EBF1: variants seen among roughly 807,000 people sequenced by gnomAD.
EBF1 encodes the protein transcription factor COE1.
In EBF1, 10 loss-of-function variants were observed where a neutral mutation model predicts 68.4. The ratio of observed to expected loss-of-function variants is 0.15; its 90% CI spans 0.09 to 0.25. The LOEUF is 0.25. EBF1 is among the 10% of genes least tolerant of loss of function. The probability of loss-of-function intolerance (pLI) is 1.00; values close to 1 mark genes in which losing one functional copy is unlikely to be tolerated. For synonymous variants in EBF1, 298 were observed against 299.8 expected (o/e 0.99, Z 0.06); for missense variants, 509 against 794.4 (o/e 0.64, Z 4.32).
chr5:159,008,755 T>C (rs1049529944), intron 6 of EBF1, among the ~76,000 whole-genome samples: 1 of 152,154 alleles, frequency 6.6e-6, no homozygotes, highest in African/African-American at 2.4e-5. Context: ...CAGGCTGGTC[T>C]CAAACTCCTG....
At chr5:158,767,009 G>C (rs1034684619) in intron 10 of EBF1, among the ~76,000 whole-genome samples, 1 of 152,080 alleles carries the variant, frequency 6.6e-6, no homozygotes, top group Non-Finnish European at 1.5e-5. Context: ...ATACAGCTCA[G>C]TTCCTACTTT....
chr5:159,087,275 CACAT>C lies in EBF1; in HGVS notation c.412-2540_412-2537del, dbSNP rs1176171931. Among the ~76,000 whole-genome samples, 899 of 144,832 alleles carry C rather than the reference CACAT, an allele frequency of 6.2e-3. 8 individuals are homozygous for C. Among genetic ancestry groups the C allele is most frequent in the African/African-American group, 0.022 (858 of 38,248 alleles). Reference sequence around the variant, plus strand: ...CCTAATATATATATATATACACACACACATATATATATATACACATATATATATA... The same window carrying C: ...CCTAATATATATATATATACACACACATATATATATACACATATATATATA... On this transcript the variant is annotated intron_variant, in intron 4 of 15. Coordinates refer to ENST00000313708, the MANE Select transcript of EBF1 (RefSeq NM_024007.5).
At chr5:159,033,593 A>C (rs570272689) in intron 6 of EBF1, among the ~76,000 whole-genome samples, 3 of 152,324 alleles carry the variant, frequency 2.0e-5, no homozygotes, top group African/African-American at 7.2e-5. Context: ...GGCAACTGAG[A>C]ACATAATTAG....
rs1584622069 is a variant in EBF1, at chr5:159,099,707, A to C, written c.-229T>G. Reference sequence around the variant, plus strand: ...GAGCGATAACCCGAAAAAAAGAAGAAAGGGAAAATCCAACGAAAAGACCAA... The same window carrying C: ...GAGCGATAACCCGAAAAAAAGAAGACAGGGAAAATCCAACGAAAAGACCAA... On this transcript the variant is annotated 5_prime_UTR_variant, in exon 1 of 16. Transcript: ENST00000313708. 8.1e-6 allele frequency: 3 copies of C among 370,162 alleles called. No individual in the cohort carries two copies. Among genetic ancestry groups the C allele is most frequent in the East Asian group, 9.0e-5 (2 of 22,166 alleles). The allele number at this position is 370,162 out of a possible 1,614,324, so 22.9% of individuals were successfully genotyped here.
chr5:158,861,273 TATC>T (rs1459204235), intron 6 of EBF1, among the ~76,000 whole-genome samples: 2 of 139,224 alleles, frequency 1.4e-5, no homozygotes, highest in African/African-American at 5.4e-5. Context: ...TTTGTGAAAA[TATC>T]ATTCATTTAT....
intron 10 of EBF1, among the ~76,000 whole-genome samples, chr5:158,757,093 G>T (rs982119120): frequency 6.6e-6 from 1 of 152,096 alleles, no homozygotes; most frequent in Non-Finnish European, 1.5e-5. Context: ...GCTTTGCTCA[G>T]TTTGGACCCA....
chr5:158,797,067 C>T (rs17714087), intron 8 of EBF1, among the ~76,000 whole-genome samples: 4,638 of 152,116 alleles, frequency 0.03, 109 homozygotes, highest in Middle Eastern at 0.054. Context: ...GCAGGTCACT[C>T]GGGGTGAATT....
intron 6 of EBF1, among the ~76,000 whole-genome samples, chr5:158,965,269 G>A (rs66584692): frequency 0.31 from 46,991 of 151,918 alleles, 8,160 homozygotes; most frequent in South Asian, 0.57. Flanking sequence ...CTCTTAGGTG[G>A]AGATTCAAAT....
At chr5:158,880,555 C>G (rs1171656225) in intron 6 of EBF1, among the ~76,000 whole-genome samples, 1 of 152,222 alleles carries the variant, frequency 6.6e-6, no homozygotes, top group Non-Finnish European at 1.5e-5. Context: ...AAAGTCCTCT[C>G]CCTTAGAGTC....
intron 6 of EBF1, among the ~76,000 whole-genome samples, chr5:159,032,668 ACC>A: frequency 6.6e-6 from 1 of 152,034 alleles, no homozygotes; most frequent in East Asian, 1.9e-4. Context: ...CTCCGAAACC[ACC>A]CTCTCCCTTC....
At chr5:158,959,663 A>G (rs964412985) in intron 6 of EBF1, among the ~76,000 whole-genome samples, 1 of 152,062 alleles carries the variant, frequency 6.6e-6, no homozygotes, top group African/African-American at 2.4e-5. Flanking sequence ...AAGAATATAT[A>G]TGTATGTATA....
chr5:158,724,147 T>C (rs574382154), intron 11 of EBF1, among the ~76,000 whole-genome samples: 1 of 152,278 alleles, frequency 6.6e-6, no homozygotes, highest in South Asian at 2.1e-4. Context: ...CTTGTGTTTT[T>C]GACAAGAGAA....
intron 6 of EBF1, among the ~76,000 whole-genome samples, chr5:159,056,556 A>G (rs9313798): frequency 0.061 from 9,357 of 152,236 alleles, 940 homozygotes; most frequent in African/African-American, 0.21. Flanking sequence ...TTCCTTGGCA[A>G]TTCCAAATGT....
At chr5:158,762,142 G>C (rs1047119550) in intron 10 of EBF1, among the ~76,000 whole-genome samples, 54 of 152,090 alleles carry the variant, frequency 3.6e-4, no homozygotes, top group African/African-American at 1.3e-3. Context: ...CAATTATGAA[G>C]TCCTGAAAGC....
At chr5:159,055,938 C>A (rs1286368918) in intron 6 of EBF1, among the ~76,000 whole-genome samples, 1 of 152,144 alleles carries the variant, frequency 6.6e-6, no homozygotes, top group East Asian at 1.9e-4. Flanking sequence ...CATGCTGGGT[C>A]CTTTGTTTCT....
chr5:159,082,786 C>T (rs930282703), intron 5 of EBF1, among the ~76,000 whole-genome samples: 12 of 152,174 alleles, frequency 7.9e-5, no homozygotes, highest in Admixed American at 4.6e-4. Flanking sequence ...ATTTTGAATA[C>T]GGCTTTTCCC....
At chr5:158,848,952 C>T (rs977892747) in intron 6 of EBF1, among the ~76,000 whole-genome samples, 3 of 152,148 alleles carry the variant, frequency 2.0e-5, no homozygotes, top group Non-Finnish European at 2.9e-5. Context: ...TACAAATGTT[C>T]GTTGTCACAC....
At chr5:159,056,691 C>T (rs1407807385) in intron 6 of EBF1, among the ~76,000 whole-genome samples, 1 of 152,186 alleles carries the variant, frequency 6.6e-6, no homozygotes, top group African/African-American at 2.4e-5. Flanking sequence ...AACAATGCCT[C>T]ACTTCCTTTA....
intron 8 of EBF1, among the ~76,000 whole-genome samples, chr5:158,813,696 A>G (rs1035660856): frequency 3.3e-5 from 5 of 152,232 alleles, no homozygotes; most frequent in Non-Finnish European, 7.3e-5. Context: ...ATTGATGAGG[A>G]AACAGAGGCC....
Sources: allele counts gnomAD v4.1 joint callset (sites outside exome capture counted in the v4.1 genomes callset), GRCh38; gene constraint gnomAD v4.1.1; transcripts MANE v1.5; gene names NCBI Gene and HGNC (gene_info 2026-07-23, HGNC 2026-07-21).